Variants in TEX15 observed in about 807,000 individuals in gnomAD.
TEX15 encodes testis-expressed protein 15.
TEX15 carries 171 observed loss-of-function variants against 237.3 expected under a neutral mutation model. That is an observed-to-expected ratio of 0.72 (90% CI 0.64 to 0.82). The LOEUF (loss-of-function observed/expected upper bound fraction) is 0.82, where lower values mean the gene tolerates loss of function less well. Among genes scored for constraint, TEX15 ranks in the 40% least tolerant of loss-of-function variants. TEX15 has a pLI of 0.00. For missense variants in TEX15, 3,750 were observed against 3,646.5 expected (o/e 1.03, Z -0.73); for synonymous variants, 1,338 against 1,269.8 (o/e 1.05, Z -1.14).
At chr8:30,884,234 T>A (rs191450063) in intron 3 of TEX15, among the ~76,000 whole-genome samples, 11 of 152,342 alleles carry the variant, frequency 7.2e-5, no homozygotes, top group Middle Eastern at 3.4e-3. Flanking sequence ...TGGTATCTCA[T>A]CGTGGTTTTG....
At position 30,842,194 on chromosome 8, in the gene TEX15, T is replaced by C. The variant is rs1807473343; in HGVS notation, c.7973A>G (p.Asn2658Ser). 6.2e-7 allele frequency: 1 copy of C among 1,611,960 alleles called. No individual in the cohort carries two copies. Among genetic ancestry groups the C allele is most frequent in the Non-Finnish European group, 8.5e-7 (1 of 1,179,296 alleles). ...TTCCCCAGGTTTTACAATATGAATA[T>C]TCATTTTTTCTTTTCTCTTCAGCTG... The part of the protein sequence containing the change: ...ILQLKRKEKM[N>S]IHIVKPGENN... The change falls in exon 8 of 11, where the codon AAT (asparagine) becomes AGT (serine). Residue 2658 changes from asparagine to serine, a missense_variant. Coordinates refer to ENST00000643185, the MANE Select transcript of TEX15 (RefSeq NM_001350162.2).
intron 1 of TEX15, among the ~76,000 whole-genome samples, chr8:30,905,030 A>G (rs1348402923): frequency 6.6e-6 from 1 of 152,202 alleles, no homozygotes; most frequent in Non-Finnish European, 1.5e-5. Context: ...ATGTGGGGGT[A>G]ACAAAGCTAA....
intron 2 of TEX15, among the ~76,000 whole-genome samples, chr8:30,894,826 T>A (rs534029267): frequency 7.6e-4 from 115 of 152,298 alleles, no homozygotes; most frequent in African/African-American, 2.1e-3. Flanking sequence ...AGAAGCTGAT[T>A]AGGTATGAAA....
Position 30,833,250 on chromosome 8 carries a change from T to C in TEX15, c.*36A>G, listed in dbSNP as rs755184778. On this transcript the variant is annotated 3_prime_UTR_variant, in exon 11 of 11. Coordinates refer to ENST00000643185, the MANE Select transcript of TEX15 (RefSeq NM_001350162.2). ...ATAAGTAAAAAATATTTGGAAAAAC[T>C]TGTTATGTCTTATTTCAATAGACAG... is the stretch of plus-strand genomic sequence containing the variant. 2.0e-6 allele frequency: 3 copies of C among 1,468,072 alleles called. No individual in the cohort carries two copies. Among genetic ancestry groups the C allele is most frequent in the African/African-American group, 2.9e-5 (2 of 69,854 alleles). The allele number at this position is 1,468,072 out of a possible 1,614,324, so 90.9% of individuals were successfully genotyped here.
In TEX15 at chr8:30,843,663, C is replaced by T. The variant is rs776046438; in HGVS notation, c.6504G>A (p.Lys2168=). 1 of 1,611,948 alleles carries T rather than the reference C, an allele frequency of 6.2e-7. No homozygotes were observed. The highest frequency in any genetic ancestry group is 1.1e-5 in the South Asian group (1 of 90,808). ...CACATTCATTAACCTGTCGTTTGTA[C>T]TTTAAGAATACATAGTATGAATTCT... ...REKNSYYVFL[K]YKRQVNECEA... Residue 2168 remains lysine, a synonymous_variant, in exon 8 of 11, where the codon AAG becomes AAA. Transcript: ENST00000643185.
At chr8:30,852,059 G>T (rs1807799187) in intron 7 of TEX15, among the ~76,000 whole-genome samples, 1 of 149,566 alleles carries the variant, frequency 6.7e-6, no homozygotes, top group Admixed American at 6.6e-5. Context: ...TAACATGGAT[G>T]CCAGGTCCTG....
chr8:30,846,523 T>C lies in TEX15; in HGVS notation c.3644A>G (p.Asp1215Gly), dbSNP rs778489725. 7.4e-6 allele frequency: 12 copies of C among 1,613,634 alleles called. No homozygotes were observed. The highest frequency in any genetic ancestry group is 3.3e-5 in the Admixed American group (2 of 59,974). The change falls in exon 8 of 11, where the codon GAT becomes GGT. Residue 1215 changes from aspartate (D) to glycine (G), a missense_variant. Coordinates refer to ENST00000643185, the MANE Select transcript of TEX15 (RefSeq NM_001350162.2). ...IYSQPFGENA[D>G]YPCEDKVDNI... Reference sequence around the variant, plus strand: ...ATCAACTTTATCTTCACATGGATAATCTGCATTTTCACCAAAAGGCTGGGA... The same window carrying C: ...ATCAACTTTATCTTCACATGGATAACCTGCATTTTCACCAAAAGGCTGGGA...
At chr8:30,864,663 A>G (rs1808122982) in intron 5 of TEX15, among the ~76,000 whole-genome samples, 1 of 151,348 alleles carries the variant, frequency 6.6e-6, no homozygotes, top group African/African-American at 2.4e-5. Flanking sequence ...TTGTTACCAG[A>G]CTTGTCCTAC....
Position 30,846,942 on chromosome 8 carries a change from T to A in TEX15, c.3225A>T (p.Gln1075His), listed in dbSNP as rs777937074. The A allele has an allele frequency of 6.2e-6, 10 of 1,613,716 alleles. No individual in the cohort carries two copies. The African/African-American group carries it at 1.3e-4, about 22-fold the overall frequency. Residue 1075 changes from glutamine to histidine, a missense_variant, in exon 8 of 11, where the codon CAA (glutamine) becomes CAT (histidine). Gln to His is a conservative substitution (Grantham distance 24). Transcript: ENST00000643185. ...TGTTTTCATGGCTATGTGTATCTTG[T>A]TGAAATATAAAAGCATCATCACAAT... ...LEDCDDAFIF[Q>H]QDTHSHENML...
intron 9 of TEX15, among the ~76,000 whole-genome samples, chr8:30,838,791 T>C (rs1417179797): frequency 1.1e-5 from 1 of 88,822 alleles, no homozygotes; most frequent in Non-Finnish European, 2.0e-5. Flanking sequence ...TATATATATA[T>C]ATATATATAT....
intron 4 of TEX15, among the ~76,000 whole-genome samples, chr8:30,869,852 T>A (rs1240017909): frequency 6.6e-6 from 1 of 152,026 alleles, no homozygotes; most frequent in Non-Finnish European, 1.5e-5. Context: ...TCTGAAGAAC[T>A]AGCATATACA....
At chr8:30,855,975 T>G (rs996031477) in intron 7 of TEX15, among the ~76,000 whole-genome samples, 1 of 152,042 alleles carries the variant, frequency 6.6e-6, no homozygotes, top group East Asian at 1.9e-4. Context: ...AGACAGAGTT[T>G]TGCTCTTTCA....
intron 3 of TEX15, among the ~76,000 whole-genome samples, chr8:30,878,800 C>T (rs947424573): frequency 6.6e-6 from 1 of 152,194 alleles, no homozygotes; most frequent in East Asian, 1.9e-4. Flanking sequence ...GCTGGAACTA[C>T]AAGCACATGC....
Position 30,848,960 on chromosome 8 carries a change from G to T in TEX15, c.1207C>A (p.Leu403Ile). ...TTAAGACCACTTAAAATATTTTTAAGACTTGTCCAATTTAACAAAAGGTCA... is the reference window on the plus strand; with the variant it reads ...TTAAGACCACTTAAAATATTTTTAATACTTGTCCAATTTAACAAAAGGTCA... The part of the protein sequence containing the change: ...NGDLLLNWTS[L>I]KNILSGLNAS... The change falls in exon 8 of 11, where the codon CTT (leucine) becomes ATT (isoleucine). Residue 403 changes from leucine to isoleucine, a missense_variant. Transcript: ENST00000643185. 6.2e-7 allele frequency: 1 copy of T among 1,614,116 alleles called. No individual in the cohort carries two copies. Among genetic ancestry groups the T allele is most frequent in the Non-Finnish European group, 8.5e-7 (1 of 1,180,010 alleles).
Position 30,842,748 on chromosome 8 carries a change from A to T in TEX15, c.7419T>A (p.Gly2473=). ...GAAGTGACAAATCAAACCAAAGCAT[A>T]CCTCGAAACCTCTGTTTGTCTAGTT... ...AKKLDKQRFR[G]MLWFDLSLLP... is the part of the protein sequence containing the mutation. Residue 2473 remains glycine (G), a synonymous_variant, in exon 8 of 11, where the codon GGT becomes GGA. Coordinates refer to ENST00000643185, the MANE Select transcript of TEX15 (RefSeq NM_001350162.2). The T allele has an allele frequency of 6.2e-7, 1 of 1,613,424 alleles. No individual in the cohort carries two copies. Among genetic ancestry groups the T allele is most frequent in the Non-Finnish European group, 8.5e-7 (1 of 1,179,726 alleles).
chr8:30,878,662 C>T (rs1054455075), intron 3 of TEX15, among the ~76,000 whole-genome samples: 9 of 152,174 alleles, frequency 5.9e-5, no homozygotes, highest in Non-Finnish European at 1.0e-4. Flanking sequence ...GCTGGGAATA[C>T]ATGCGTGAGC....
At chr8:30,863,330 TAATTTCAGTC>T (rs1019232190) in intron 5 of TEX15, among the ~76,000 whole-genome samples, 28 of 152,180 alleles carry the variant, frequency 1.8e-4, no homozygotes, top group African/African-American at 6.8e-4. Flanking sequence ...GTATTATGGT[TAATTTCAGTC>T]AATTTCAGTT....
rs1164594718 is a variant in TEX15, at chr8:30,881,610, C to CT, written c.136+5556dup. ...TTCATTAATTATCCTTCCATCTTGA[C>CT]TTTTTATTTTTTTTTATTATTTTTT... On this transcript the variant is annotated intron_variant, in intron 3 of 10. Transcript: ENST00000643185. 3.8e-3 allele frequency among the ~76,000 whole-genome samples: 421 copies of CT among 109,376 alleles called. 100 individuals are homozygous for CT. Among genetic ancestry groups the CT allele is most frequent in the African/African-American group, 0.024 (362 of 15,372 alleles). 71.8% of individuals were successfully genotyped at this position (109,376 alleles called of 152,430 possible).
chr8:30,840,199 A>C (rs1807419097), intron 8 of TEX15, among the ~76,000 whole-genome samples: 1 of 150,250 alleles, frequency 6.7e-6, no homozygotes. Context: ...TTATCCTCAC[A>C]TCTTTTTTTT....
Sources: allele counts gnomAD v4.1 joint callset (sites outside exome capture counted in the v4.1 genomes callset), GRCh38; gene constraint gnomAD v4.1.1; transcripts MANE v1.5; gene names NCBI Gene and HGNC (gene_info 2026-07-23, HGNC 2026-07-21).